Variants in ZFR observed in about 807,000 individuals in gnomAD.
The protein encoded by ZFR is zinc finger RNA-binding protein.
ZFR carries 19 observed loss-of-function variants against 130.7 expected under a neutral mutation model. The observed-to-expected ratio is 0.15, with a 90% CI of 0.10 to 0.21. The LOEUF (loss-of-function observed/expected upper bound fraction) is 0.21. Among genes scored for constraint, ZFR ranks in the 10% least tolerant of loss-of-function variants. The pLI, the probability that ZFR is intolerant of heterozygous loss-of-function variation, is 1.00. For missense variants in ZFR, 872 were observed against 1,321.5 expected (o/e 0.66, Z 5.27); for synonymous variants, 466 against 456.9 (o/e 1.02, Z -0.25).
intron 17 of ZFR, among the ~76,000 whole-genome samples, chr5:32,368,389 C>T (rs2111674310): frequency 6.6e-6 from 1 of 152,332 alleles, no homozygotes; most frequent in East Asian, 1.9e-4. Flanking sequence ...GCATGAGCCA[C>T]CACGCCCAGC....
At chr5:32,428,527 T>C (rs1754126239) in intron 2 of ZFR, among the ~76,000 whole-genome samples, 1 of 152,220 alleles carries the variant, frequency 6.6e-6, no homozygotes, top group Non-Finnish European at 1.5e-5. Flanking sequence ...CAGTGAGCTG[T>C]GACTGCACCA....
At chr5:32,409,682 A>G (rs573912446) in intron 5 of ZFR, among the ~76,000 whole-genome samples, 2 of 152,332 alleles carry the variant, frequency 1.3e-5, no homozygotes, top group Admixed American at 1.3e-4. Context: ...CTGGGATTAC[A>G]GGCATGAGCC....
Position 32,406,990 on chromosome 5 carries a change from C to T in ZFR, c.816G>A (p.Val272=). 6.4e-7 allele frequency: 1 copy of T among 1,566,030 alleles called. No homozygotes were observed. Among genetic ancestry groups the T allele is most frequent in the East Asian group, 2.3e-5 (1 of 44,110 alleles). Residue 272 remains valine (V), a synonymous_variant, in exon 6 of 20, where the codon GTG becomes GTA. Transcript: ENST00000265069. Reference sequence around the variant, plus strand: ...GATAGTAGGAAGATGCAGCTGAATACACTGCTGCTTCATAACCTGAATAAG... The same window carrying T: ...GATAGTAGGAAGATGCAGCTGAATATACTGCTGCTTCATAACCTGAATAAG... ...GTSYSGYEAA[V]YSAASSYYQQ... is the part of the protein sequence containing the mutation.
chr5:32,412,023 G>T (rs1368503430), intron 5 of ZFR, among the ~76,000 whole-genome samples: 1 of 152,138 alleles, frequency 6.6e-6, no homozygotes. Flanking sequence ...CTCTAGAGAA[G>T]AATGCCTAAG....
Position 32,403,930 on chromosome 5 carries a change from G to A in ZFR, c.1200C>T (p.His400=). The A allele has an allele frequency of 1.3e-6, 2 of 1,593,014 alleles. No individual in the cohort carries two copies. The highest frequency in any genetic ancestry group is 1.2e-5 in the South Asian group (1 of 86,936). Residue 400 remains histidine, a synonymous_variant, in exon 7 of 20, where the codon CAC becomes CAT. Transcript: ENST00000265069. ...SCTGADAYAA[H]IRGAKHQKVV... ...CTTTCTGATGCTTAGCACCACGAAT[G>A]TGGGCAGCATACGCATCTGCTCCTG...
intron 10 of ZFR, among the ~76,000 whole-genome samples, chr5:32,396,985 T>A (rs529016623): frequency 6.6e-6 from 1 of 152,286 alleles, no homozygotes; most frequent in East Asian, 1.9e-4. Flanking sequence ...AATGCTTCAG[T>A]TTTTGCCACA....
At chr5:32,373,124 G>A (rs897314362) in intron 17 of ZFR, among the ~76,000 whole-genome samples, 2 of 152,156 alleles carry the variant, frequency 1.3e-5, no homozygotes, top group African/African-American at 2.4e-5. Context: ...GCTGGGTGCC[G>A]TGGCTCACGC....
chr5:32,444,369 G>C, intron 1 of ZFR, 41 bp from the exon 2 acceptor site: 1 of 1,527,284 alleles, frequency 6.5e-7, no homozygotes, highest in South Asian at 1.2e-5. Context: ...GGCGGGACAA[G>C]AGACACAGAG....
At chr5:32,378,695 A>AT (rs955149856) in intron 17 of ZFR, among the ~76,000 whole-genome samples, 9 of 151,764 alleles carry the variant, frequency 5.9e-5, no homozygotes, top group African/African-American at 2.2e-4. Context: ...TGAATCTCCT[A>AT]TTTTTTTTGT....
At chr5:32,434,722 T>C (rs2548732) in intron 2 of ZFR, among the ~76,000 whole-genome samples, 62,883 of 152,000 alleles carry the variant, frequency 0.41, 13,178 homozygotes, top group East Asian at 0.56. Flanking sequence ...TCTTGCTAGA[T>C]AGGATGAATT....
At chr5:32,380,644 G>A (rs1236365165) in intron 15 of ZFR, among the ~76,000 whole-genome samples, 1 of 134,686 alleles carries the variant, frequency 7.4e-6, no homozygotes, top group Non-Finnish European at 1.6e-5. Flanking sequence ...CCCAAAACAG[G>A]CATTTCTTTT....
At chr5:32,374,902 A>T (rs573570423) in intron 17 of ZFR, among the ~76,000 whole-genome samples, 1 of 152,368 alleles carries the variant, frequency 6.6e-6, no homozygotes, top group Admixed American at 6.5e-5. Flanking sequence ...TTATAAACTG[A>T]CAAGAAACAA....
intron 3 of ZFR, among the ~76,000 whole-genome samples, chr5:32,418,087 C>T (rs1202791835): frequency 6.6e-6 from 1 of 151,882 alleles, no homozygotes; most frequent in Non-Finnish European, 1.5e-5. Context: ...GGTGAGACCC[C>T]GTCTCTACTA....
intron 10 of ZFR, among the ~76,000 whole-genome samples, chr5:32,396,710 C>T (rs1011800696): frequency 1.3e-5 from 2 of 152,108 alleles, no homozygotes; most frequent in African/African-American, 4.8e-5. Context: ...TGCCACTGCA[C>T]TCCAGCCTTG....
intron 3 of ZFR, among the ~76,000 whole-genome samples, chr5:32,419,548 C>T (rs572105880): frequency 4.6e-5 from 7 of 152,188 alleles, no homozygotes; most frequent in East Asian, 3.9e-4. Flanking sequence ...ATGTTGGACA[C>T]GCTGGTCTTG....
intron 14 of ZFR, among the ~76,000 whole-genome samples, chr5:32,386,549 A>G (rs1448719775): frequency 6.6e-6 from 1 of 152,098 alleles, no homozygotes; most frequent in East Asian, 1.9e-4. Context: ...AAGGCTTCCA[A>G]ACCTTTTATT....
chr5:32,362,707 G>T (rs529768654), intron 19 of ZFR, among the ~76,000 whole-genome samples: 25 of 152,056 alleles, frequency 1.6e-4, no homozygotes, highest in African/African-American at 6.0e-4. Context: ...CAAGTATTAC[G>T]TCATGAGTGC....
chr5:32,390,920 G>A (rs372633715), intron 11 of ZFR, among the ~76,000 whole-genome samples: 4 of 152,178 alleles, frequency 2.6e-5, no homozygotes, highest in East Asian at 1.9e-4. Context: ...TAAGGGTGTT[G>A]GGAATTATGG....
intron 2 of ZFR, among the ~76,000 whole-genome samples, chr5:32,427,516 C>T (rs1176369738): frequency 6.6e-6 from 1 of 152,016 alleles, no homozygotes; most frequent in East Asian, 1.9e-4. Flanking sequence ...GAAAGACATC[C>T]CATGTTCACG....
Sources: gnomAD v4.1 joint callset for allele counts (sites outside exome capture counted in the v4.1 genomes callset) on GRCh38, gnomAD v4.1.1 for gene constraint, MANE v1.5 for transcripts, NCBI Gene and HGNC (gene_info 2026-07-23, HGNC 2026-07-21) for gene names.